MMACHC: variants seen among roughly 807,000 people sequenced by gnomAD.
MMACHC encodes cyanocobalamin reductase / alkylcobalamin dealkylase.
MMACHC carries 14 observed loss-of-function variants against 17.6 expected under a neutral mutation model. The ratio of observed to expected loss-of-function variants is 0.80; its 90% confidence interval spans 0.53 to 1.25. The LOEUF (loss-of-function observed/expected upper bound fraction) is 1.25. Ranked by LOEUF, MMACHC falls within the 50% of genes most tolerant of loss-of-function variation. The pLI, the probability that MMACHC is intolerant of heterozygous loss-of-function variation, is 0.00. For synonymous variants in MMACHC, 151 were observed against 142.1 expected, an observed-to-expected ratio of 1.06 and a Z score of -0.45; for missense variants, 392 against 364.5, an observed-to-expected ratio of 1.08 and a Z score of -0.62.
chr1:45,505,590 A>G (rs1434127247), intron 1 of MMACHC, among the ~76,000 whole-genome samples: 2 of 151,788 alleles, frequency 1.3e-5, no homozygotes, highest in Non-Finnish European at 2.9e-5. Flanking sequence ...CACCGCGCCG[A>G]GCCTAAAAAC....
rs371226986 is a variant in MMACHC at position 45,508,378 on chromosome 1, T to A, written c.429+14T>A. On this transcript the variant is annotated intron_variant, in intron 3 of 3. Coordinates refer to ENST00000401061, the MANE Select transcript of MMACHC (RefSeq NM_015506.3). ...TGGGGGAACCAGGTGAGAGGGAAAA[T>A]GTAAATAGAGGCTGAGATAGACTGG... 13 of 1,613,614 alleles carry A rather than the reference T, an allele frequency of 8.1e-6. No homozygotes were observed. Among genetic ancestry groups the A allele is most frequent in the Non-Finnish European group, 9.3e-6 (11 of 1,179,906 alleles).
Position 45,512,001 on chromosome 1 carries a change from C to T in MMACHC, c.*2786C>T, listed in dbSNP as rs1002573993. On this transcript the variant is annotated 3_prime_UTR_variant, in exon 4 of 4. Coordinates refer to ENST00000401061, the MANE Select transcript of MMACHC (RefSeq NM_015506.3). ...AGCACAGCCTTCAACCTTTTCCTGACAATGCCTAAGAATGTGCCTCAGGCT... is the reference window on the plus strand; with the variant it reads ...AGCACAGCCTTCAACCTTTTCCTGATAATGCCTAAGAATGTGCCTCAGGCT... The T allele has an allele frequency of 6.6e-6, 1 of 150,888 alleles. No individual in the cohort carries two copies. Among genetic ancestry groups the T allele is most frequent in the African/African-American group, 2.4e-5 (1 of 41,036 alleles). The allele number at this position is 150,888 out of a possible 1,614,324, so 9.3% of individuals were successfully genotyped here.
Position 45,500,341 on chromosome 1 carries a change from G to T in MMACHC, c.9G>T (p.Pro3=). Residue 3 remains proline, a synonymous_variant, in exon 1 of 4, where the codon CCG becomes CCT. Coordinates refer to ENST00000401061, the MANE Select transcript of MMACHC (RefSeq NM_015506.3). ...AGCGTGTAACGTGCGCTATGGAGCC[G>T]AAAGTCGCAGAGCTGAAGCAGAAGA... ME[P]KVAELKQKIE... 6.2e-7 allele frequency: 1 copy of T among 1,614,110 alleles called. No individual in the cohort carries two copies. The highest frequency in any genetic ancestry group is 8.5e-7 in the Non-Finnish European group (1 of 1,180,036).
chr1:45,508,870 G>A lies in MMACHC; in HGVS notation c.504G>A (p.Gly168=). 1 of 1,614,174 alleles carries A rather than the reference G, an allele frequency of 6.2e-7. No individual in the cohort carries two copies. The highest frequency in any genetic ancestry group is 8.5e-7 in the Non-Finnish European group (1 of 1,180,026). ...TCCGAGGGGTAGTGCTGCTGCCAGG[G>A]ATAGAGGTGCCAGATCTGCCACCCA... is the stretch of plus-strand genomic sequence containing the variant. ...FAIRGVVLLP[G]IEVPDLPPRK... is the part of the protein sequence containing the mutation. The change falls in exon 4 of 4, where the codon GGG becomes GGA. Residue 168 remains glycine, a synonymous_variant. Coordinates refer to ENST00000401061, the MANE Select transcript of MMACHC (RefSeq NM_015506.3).
chr1:45,511,416 T>A lies in MMACHC; in HGVS notation c.*2201T>A, dbSNP rs1379672870. ...CAGGTTTCCAGCCAGCTGGGCACACTGCAAGAGAAAGGCACCACTAATTAA... is the reference window on the plus strand; with the variant it reads ...CAGGTTTCCAGCCAGCTGGGCACACAGCAAGAGAAAGGCACCACTAATTAA... On this transcript the variant is annotated 3_prime_UTR_variant, in exon 4 of 4. Coordinates refer to ENST00000401061, the MANE Select transcript of MMACHC (RefSeq NM_015506.3). 1.9e-6 allele frequency: 3 copies of A among 1,611,862 alleles called. No individual in the cohort carries two copies. The East Asian group carries it at 6.7e-5, about 36-fold the overall frequency.
At chr1:45,501,102 G>A (rs1355854776) in intron 1 of MMACHC, among the ~76,000 whole-genome samples, 1 of 152,162 alleles carries the variant, frequency 6.6e-6, no homozygotes, top group African/African-American at 2.4e-5. Flanking sequence ...GTCAGCTGAG[G>A]AAGGAAGGGC....
rs1044465587 is a variant in MMACHC at position 45,505,342 on chromosome 1, G to A, written c.82-2014G>A. 7.2e-5 allele frequency among the ~76,000 whole-genome samples: 11 copies of A among 152,134 alleles called. No individual in the cohort carries two copies. The East Asian group carries it at 2.1e-3, about 30-fold the overall frequency. ...GCACGCCTGTAGTCCCAGCAACTTG[G>A]GAGGCTGAGACAGGAAAATCACTTG... On this transcript the variant is annotated intron_variant, in intron 1 of 3. Coordinates refer to ENST00000401061, the MANE Select transcript of MMACHC (RefSeq NM_015506.3).
chr1:45,505,203 C>T (rs968884153), intron 1 of MMACHC, among the ~76,000 whole-genome samples: 5 of 150,546 alleles, frequency 3.3e-5, no homozygotes, highest in Non-Finnish European at 7.4e-5. Flanking sequence ...AATCCCAACA[C>T]TTTGGGAGGC....
At chr1:45,505,380 G>A (rs1643605836) in intron 1 of MMACHC, among the ~76,000 whole-genome samples, 1 of 152,014 alleles carries the variant, frequency 6.6e-6, no homozygotes, top group Non-Finnish European at 1.5e-5. Flanking sequence ...CCCGGGAGGT[G>A]GAGATTGCAA....
At chr1:45,506,895 C>A (rs1324558608) in intron 1 of MMACHC, among the ~76,000 whole-genome samples, 1 of 151,686 alleles carries the variant, frequency 6.6e-6, no homozygotes, top group Admixed American at 6.6e-5. Flanking sequence ...GGCTCGGTGG[C>A]TCACGCCTAT....
Position 45,508,224 on chromosome 1 carries a change from C to T in MMACHC, c.289C>T (p.Leu97=). 6.2e-7 allele frequency: 1 copy of T among 1,614,188 alleles called. No individual in the cohort carries two copies. Among genetic ancestry groups the T allele is most frequent in the Middle Eastern group, 1.6e-4 (1 of 6,062 alleles). ...LGRVRESLPE[L]QIEIIADYEV... is the part of the protein sequence containing the mutation. ...TCCACTGTTCCAGAGCCTCCCAGAG[C>T]TGCAGATAGAAATCATTGCTGACTA... Residue 97 remains leucine (L), a synonymous_variant, in exon 3 of 4, where the codon CTG becomes TTG. Coordinates refer to ENST00000401061, the MANE Select transcript of MMACHC (RefSeq NM_015506.3).
At chr1:45,503,994 A>C (rs1643580488) in intron 1 of MMACHC, among the ~76,000 whole-genome samples, 1 of 152,150 alleles carries the variant, frequency 6.6e-6, no homozygotes, top group South Asian at 2.1e-4. Context: ...AGACGGTGTT[A>C]CAGGTGAATC....
chr1:45,501,706 A>C (rs949248641), intron 1 of MMACHC, among the ~76,000 whole-genome samples: 3 of 152,188 alleles, frequency 2.0e-5, no homozygotes, highest in African/African-American at 7.2e-5. Context: ...ACACCGTTTC[A>C]GTGGATGGCA....
chr1:45,502,222 C>G (rs1182076976), intron 1 of MMACHC, among the ~76,000 whole-genome samples: 1 of 152,100 alleles, frequency 6.6e-6, no homozygotes, highest in Non-Finnish European at 1.5e-5. Context: ...TCAAATATAC[C>G]CAGGAATTTT....
chr1:45,504,904 A>C (rs1643599367), intron 1 of MMACHC, among the ~76,000 whole-genome samples: 1 of 151,678 alleles, frequency 6.6e-6, no homozygotes, highest in Non-Finnish European at 1.5e-5. Flanking sequence ...AGTTGAGGCC[A>C]GGTGTTCGAG....
chr1:45,503,624 T>C (rs186664627), intron 1 of MMACHC, among the ~76,000 whole-genome samples: 139 of 152,062 alleles, frequency 9.1e-4, no homozygotes, highest in Non-Finnish European at 1.4e-3. Context: ...GAACCTATAA[T>C]AGACATGAGG....
In MMACHC at chr1:45,511,254, T is replaced by C; in HGVS notation, c.*2039T>C. ...AATCTGAAGTCTTGTGTTTTACTAA[T>C]GGAAAAAAAAAATACAGAAGAGGTT... is the stretch of plus-strand genomic sequence containing the variant. On this transcript the variant is annotated 3_prime_UTR_variant, in exon 4 of 4. Transcript: ENST00000401061. 2.4e-6 allele frequency: 3 copies of C among 1,268,602 alleles called. No individual in the cohort carries two copies. Among genetic ancestry groups the C allele is most frequent in the Middle Eastern group, 2.4e-4 (1 of 4,098 alleles). The allele number at this position is 1,268,602 out of a possible 1,614,324, so 78.6% of individuals were successfully genotyped here. A position where few individuals can be genotyped will look rare whatever the true frequency, so the allele number is the denominator to read the frequency against.
rs878921294 is a variant in MMACHC at position 45,511,256 on chromosome 1, G to GA, written c.*2051dup. The GA allele has an allele frequency of 7.2e-3, 8,355 of 1,156,190 alleles. No individual in the cohort carries two copies. The highest frequency in any genetic ancestry group is 0.01 in the South Asian group (631 of 62,356). 71.6% of individuals were successfully genotyped at this position (1,156,190 alleles called of 1,614,324 possible). ...TCTGAAGTCTTGTGTTTTACTAATG[G>GA]AAAAAAAAAATACAGAAGAGGTTTT... On this transcript the variant is annotated 3_prime_UTR_variant, in exon 4 of 4. Transcript: ENST00000401061.
intron 3 of MMACHC, 115 bp from the exon 4 acceptor site, chr1:45,508,681 T>G: frequency 1.6e-6 from 2 of 1,218,446 alleles, no homozygotes; most frequent in South Asian, 1.5e-5. Context: ...GGACAGAGGT[T>G]TATGTAGTCA....
Sources: allele counts gnomAD v4.1 joint callset (sites outside exome capture counted in the v4.1 genomes callset), GRCh38; gene constraint gnomAD v4.1.1; transcripts MANE v1.5; gene names NCBI Gene and HGNC (gene_info 2026-07-23, HGNC 2026-07-21).